The following PLS1 variants were observed in gnomAD, a reference collection of about 807,000 sequenced individuals.
PLS1 encodes the protein plastin 1, also known as plastin-1.
Under a neutral mutation model 73.7 loss-of-function variants are expected in PLS1, and 32 were observed. The ratio of observed to expected loss-of-function variants is 0.43; its 90% CI spans 0.33 to 0.58. The LOEUF (loss-of-function observed/expected upper bound fraction) is 0.58, where lower values mean the gene tolerates loss of function less well. Ranked by LOEUF, PLS1 falls within the 20% of genes least tolerant of loss-of-function variation. PLS1 has a pLI of 0.04. For missense variants in PLS1, 633 were observed against 740.5 expected, an observed-to-expected ratio of 0.85 and a Z score of 1.68; for synonymous variants, 217 against 261.3, an observed-to-expected ratio of 0.83 and a Z score of 1.63.
chr3:142,628,947 A>G (rs2036491680), intron 1 of PLS1, among the ~76,000 whole-genome samples: 1 of 152,258 alleles, frequency 6.6e-6, no homozygotes, highest in Non-Finnish European at 1.5e-5. Flanking sequence ...CAGAATGACG[A>G]AATTCTCTTA....
intron 15 of PLS1, 52 bp from the exon 16 acceptor site, chr3:142,711,815 ATATGT>A: frequency 6.4e-7 from 1 of 1,560,862 alleles, no homozygotes; most frequent in Non-Finnish European, 8.8e-7. Flanking sequence ...TTTTGTTAAA[ATATGT>A]TAAGTGAAAA....
intron 1 of PLS1, among the ~76,000 whole-genome samples, chr3:142,631,297 G>A (rs1243892168): frequency 6.6e-6 from 1 of 151,810 alleles, no homozygotes; most frequent in African/African-American, 2.4e-5. Context: ...GCGGATCACT[G>A]GAGGTCAGGA....
At chr3:142,643,758 T>A (rs950549411) in intron 1 of PLS1, among the ~76,000 whole-genome samples, 2 of 152,140 alleles carry the variant, frequency 1.3e-5, no homozygotes, top group Non-Finnish European at 2.9e-5. Flanking sequence ...TTAGTTGAAT[T>A]CTCTTTAAAA....
Position 142,684,003 on chromosome 3 carries a change from C to A in PLS1, c.580-3C>A. The A allele has an allele frequency of 6.3e-7, 1 of 1,576,876 alleles. No homozygotes were observed. The highest frequency in any genetic ancestry group is 8.6e-7 in the Non-Finnish European group (1 of 1,164,802). On this transcript the variant is annotated splice_region_variant and splice_polypyrimidine_tract_variant and intron_variant, in intron 6 of 15. Coordinates refer to ENST00000457734, the MANE Select transcript of PLS1 (RefSeq NM_001145319.2). ...ATGTGTACTTTTTTTTTTGGCAATT[C>A]AGGAAAATTTAAACCTAGCTCTGAA...
intron 4 of PLS1, among the ~76,000 whole-genome samples, chr3:142,672,683 T>G (rs2037630997): frequency 6.6e-6 from 1 of 152,182 alleles, no homozygotes; most frequent in South Asian, 2.1e-4. Flanking sequence ...ATGATTTCTT[T>G]TAACCTATGA....
At chr3:142,664,108 TC>T (rs1405321291) in intron 1 of PLS1, 93 bp from the exon 2 acceptor site, 1 of 489,370 alleles carries the variant, frequency 2.0e-6, no homozygotes, top group African/African-American at 2.0e-5. Flanking sequence ...CATAGATAAT[TC>T]CTCCTAGAGA....
intron 5 of PLS1, 32 bp downstream of exon 5, chr3:142,676,321 T>C (rs372875770): frequency 8.1e-6 from 13 of 1,601,774 alleles, no homozygotes; most frequent in Non-Finnish European, 1.0e-5. Context: ...GGAAGCTGCG[T>C]TCTTGCTGAT....
chr3:142,604,285 A>C (rs1252311839), intron 1 of PLS1, among the ~76,000 whole-genome samples: 1 of 152,192 alleles, frequency 6.6e-6, no homozygotes, highest in Non-Finnish European at 1.5e-5. Context: ...CTCTAGGTTG[A>C]TATCAAGTTA....
At chr3:142,693,884 A>G (rs953682249) in intron 10 of PLS1, among the ~76,000 whole-genome samples, 20 of 152,194 alleles carry the variant, frequency 1.3e-4, no homozygotes, top group African/African-American at 4.8e-4. Flanking sequence ...CAGTAATGAT[A>G]ATCTAAACTA....
At chr3:142,635,435 CA>C (rs34712134) in intron 1 of PLS1, among the ~76,000 whole-genome samples, 61,238 of 129,494 alleles carry the variant, frequency 0.47, 13,900 homozygotes, top group Middle Eastern at 0.6. Flanking sequence ...ACTAAAAATA[CA>C]AAAAAAAAAA....
intron 1 of PLS1, among the ~76,000 whole-genome samples, chr3:142,635,851 CT>C (rs1411037905): frequency 1.3e-5 from 2 of 152,054 alleles, no homozygotes; most frequent in African/African-American, 4.8e-5. Context: ...ATTTCTAGAG[CT>C]TTTTGTTTGT....
chr3:142,683,994 T>C lies in PLS1; in HGVS notation c.580-12T>C, dbSNP rs758067948. 3.1e-6 allele frequency: 5 copies of C among 1,590,112 alleles called. No homozygotes were observed. The highest frequency in any genetic ancestry group is 1.1e-5 in the South Asian group (1 of 87,102). The stretch of plus-strand genomic sequence containing the variant: ...GACTTCCTCATGTGTACTTTTTTTT[T>C]TGGCAATTCAGGAAAATTTAAACCT... On this transcript the variant is annotated splice_polypyrimidine_tract_variant and intron_variant, in intron 6 of 15. Transcript: ENST00000457734.
chr3:142,635,707 G>A (rs1053365749), intron 1 of PLS1, among the ~76,000 whole-genome samples: 1 of 152,144 alleles, frequency 6.6e-6, no homozygotes, highest in Non-Finnish European at 1.5e-5. Flanking sequence ...TGGAATTCCA[G>A]GCTAAATCAC....
chr3:142,705,524 A>G (rs2038442012), intron 14 of PLS1, among the ~76,000 whole-genome samples: 1 of 152,240 alleles, frequency 6.6e-6, no homozygotes, highest in Non-Finnish European at 1.5e-5. Flanking sequence ...GTTAGCTACA[A>G]ATAAGCATGT....
chr3:142,611,485 T>C (rs1326013598), intron 1 of PLS1, among the ~76,000 whole-genome samples: 1 of 152,124 alleles, frequency 6.6e-6, no homozygotes, highest in Non-Finnish European at 1.5e-5. Flanking sequence ...AGCCAGATAT[T>C]GTGGCATGTG....
chr3:142,671,086 A>C lies in PLS1; in HGVS notation c.328A>C (p.Thr110Pro), dbSNP rs188609544. 6.2e-7 allele frequency: 1 copy of C among 1,611,612 alleles called. No individual in the cohort carries two copies. The highest frequency in any genetic ancestry group is 8.5e-7 in the Non-Finnish European group (1 of 1,178,112). ...EGITAIGGTS[T>P]ISSEGTQHSY... ...GATTACTGCTATTGGAGGAACTTCA[A>C]CTATTTCCAGTGAGGGCACACAGCA... Residue 110 changes from threonine (T) to proline (P), a missense_variant, in exon 4 of 16, where the codon ACT (threonine) becomes CCT (proline). By Grantham distance (38) the Thr-to-Pro change is conservative. Coordinates refer to ENST00000457734, the MANE Select transcript of PLS1 (RefSeq NM_001145319.2).
chr3:142,624,963 G>T (rs569724431), intron 1 of PLS1, among the ~76,000 whole-genome samples: 3 of 152,144 alleles, frequency 2.0e-5, no homozygotes, highest in African/African-American at 7.2e-5. Flanking sequence ...ATTCTTTTAT[G>T]ATCCCAGTTT....
intron 14 of PLS1, among the ~76,000 whole-genome samples, chr3:142,704,842 T>C (rs1396661964): frequency 2.0e-5 from 3 of 149,078 alleles, no homozygotes; most frequent in Non-Finnish European, 4.5e-5. Context: ...GTATTTTTAG[T>C]AGACATGGGG....
chr3:142,695,489 G>A (rs888116340), intron 11 of PLS1, among the ~76,000 whole-genome samples: 24 of 152,138 alleles, frequency 1.6e-4, no homozygotes, highest in African/African-American at 5.3e-4. Flanking sequence ...GGAGATATAC[G>A]TCAATTAGAC....
Sources: gnomAD v4.1 joint callset for allele counts (sites outside exome capture counted in the v4.1 genomes callset) on GRCh38, gnomAD v4.1.1 for gene constraint, MANE v1.5 for transcripts, NCBI Gene and HGNC (gene_info 2026-07-23, HGNC 2026-07-21) for gene names.